Variants in HGSNAT observed in about 807,000 individuals in gnomAD.
HGSNAT encodes the protein transmembrane protein 76.
In HGSNAT, 59 loss-of-function variants were observed where a neutral mutation model predicts 85.2. The observed-to-expected ratio is 0.69, with a 90% CI of 0.56 to 0.86. HGSNAT has a LOEUF of 0.86. HGSNAT is among the 40% of genes least tolerant of loss of function. The pLI, the probability that HGSNAT is intolerant of heterozygous loss-of-function variation, is 0.00. For synonymous variants in HGSNAT, 321 were observed against 304.5 expected (o/e 1.05, Z -0.56); for missense variants, 756 against 777.1 (o/e 0.97, Z 0.32).
intron 8 of HGSNAT, 103 bp downstream of exon 8, chr8:43,172,489 C>A: frequency 1.2e-6 from 1 of 823,090 alleles, no homozygotes. Flanking sequence ...AGAAATGAGC[C>A]CCAGCAGCCT....
At chr8:43,189,912 A>G (rs1455355985) in intron 11 of HGSNAT, among the ~76,000 whole-genome samples, 4 of 152,198 alleles carry the variant, frequency 2.6e-5, no homozygotes, top group South Asian at 4.1e-4. Context: ...CATTCTTGAT[A>G]GTATTAAATA....
intron 14 of HGSNAT, 23 bp from the exon 15 acceptor site, chr8:43,196,925 T>C (rs377433057): frequency 5.0e-5 from 72 of 1,447,818 alleles, no homozygotes; most frequent in Non-Finnish European, 6.7e-5. Flanking sequence ...ATTCTTTTGG[T>C]CACACTGTGT....
chr8:43,192,911 C>G (rs1265860651), intron 13 of HGSNAT, among the ~76,000 whole-genome samples: 1 of 152,182 alleles, frequency 6.6e-6, no homozygotes, highest in Non-Finnish European at 1.5e-5. Context: ...ATCAGGCAGT[C>G]CTTGCGGGGG....
intron 1 of HGSNAT, among the ~76,000 whole-genome samples, chr8:43,141,819 A>G (rs1329118538): frequency 6.6e-6 from 1 of 152,090 alleles, no homozygotes; most frequent in Non-Finnish European, 1.5e-5. Context: ...GAGGTTATGT[A>G]ATCTGCCTGA....
rs769449292 is a variant in HGSNAT at position 43,199,482 on chromosome 8, G to A, written c.1821G>A (p.Glu607=). The change falls in exon 18 of 18, where the codon GAG becomes GAA. Residue 607 remains glutamate, a synonymous_variant. Coordinates refer to ENST00000379644, the MANE Select transcript of HGSNAT (RefSeq NM_152419.3). ...TGAAGGACAACCAGTCCCACAAGGA[G>A]CACCTGACTCAGAACATCGTCGCCA... ...WKLKDNQSHK[E]HLTQNIVATA... is the part of the protein sequence containing the mutation. 2 of 1,612,792 alleles carry A rather than the reference G, an allele frequency of 1.2e-6. No individual in the cohort carries two copies. Among genetic ancestry groups the A allele is most frequent in the Admixed American group, 3.3e-5 (2 of 59,904 alleles).
In HGSNAT at chr8:43,145,441, A is replaced by G. The variant is rs147461868; in HGVS notation, c.119-1507A>G. Among the ~76,000 whole-genome samples, 9 of 152,298 alleles carry G rather than the reference A, an allele frequency of 5.9e-5. No homozygotes were observed. In the East Asian group the frequency reaches 1.7e-3, roughly 29 times the overall value. On this transcript the variant is annotated intron_variant, in intron 1 of 17. Transcript: ENST00000379644. ...TTCACTGAGAGCTAAATAAGGGTAA[A>G]GTAAGATAAACTTAAAAATGAGGGA...
chr8:43,143,417 C>T (rs1272948657), intron 1 of HGSNAT, among the ~76,000 whole-genome samples: 1 of 152,176 alleles, frequency 6.6e-6, no homozygotes, highest in Non-Finnish European at 1.5e-5. Context: ...GTTATGTGCA[C>T]AGTTAGACTG....
chr8:43,199,491 T>C lies in HGSNAT; in HGVS notation c.1830T>C (p.Thr610=). Residue 610 remains threonine, a synonymous_variant, in exon 18 of 18, where the codon ACT becomes ACC. Transcript: ENST00000379644. ...ACCAGTCCCACAAGGAGCACCTGAC[T>C]CAGAACATCGTCGCCACTGCCCTCT... ...KDNQSHKEHL[T]QNIVATALWV... The C allele has an allele frequency of 6.2e-7, 1 of 1,612,638 alleles. No homozygotes were observed. The highest frequency in any genetic ancestry group is 8.5e-7 in the Non-Finnish European group (1 of 1,179,336).
In HGSNAT at chr8:43,170,516, A is replaced by C. The variant is rs2130745417; in HGVS notation, c.634-69A>C. The stretch of plus-strand genomic sequence containing the variant: ...CAAAACAAAACAAAACAAAGAAATC[A>C]AAAAATGACAAAATGAAATTTACCC... On this transcript the variant is annotated intron_variant, in intron 6 of 17. Coordinates refer to ENST00000379644, the MANE Select transcript of HGSNAT (RefSeq NM_152419.3). 4.7e-6 allele frequency: 6 copies of C among 1,275,370 alleles called. No individual in the cohort carries two copies. In the South Asian group the frequency reaches 6.4e-5, roughly 14 times the overall value. 79.0% of individuals were successfully genotyped at this position (1,275,370 alleles called of 1,614,324 possible). A position where few individuals can be genotyped will look rare whatever the true frequency, so the allele number is the denominator to read the frequency against.
intron 4 of HGSNAT, 68 bp downstream of exon 4, chr8:43,159,112 T>C (rs1430420197): frequency 1.3e-6 from 2 of 1,547,438 alleles, no homozygotes; most frequent in South Asian, 1.2e-5. Flanking sequence ...GAGTACTGTT[T>C]GTAAAGCAAA....
intron 1 of HGSNAT, among the ~76,000 whole-genome samples, chr8:43,145,248 C>T (rs1292913846): frequency 2.0e-5 from 3 of 152,126 alleles, no homozygotes; most frequent in African/African-American, 4.8e-5. Context: ...CACCACCCTG[C>T]GTGCTGACCT....
At chr8:43,174,800 T>C (rs1367689086) in intron 9 of HGSNAT, among the ~76,000 whole-genome samples, 2 of 152,214 alleles carry the variant, frequency 1.3e-5, no homozygotes, top group African/African-American at 4.8e-5. Context: ...TATTTTTAAA[T>C]GTACAGTAAA....
At position 43,169,208 on chromosome 8, in the gene HGSNAT, T is replaced by A; in HGVS notation, c.599T>A (p.Ile200Lys). ...TTTAACAATTGGATTTCTAAAGCCA[T>A]AAGTTCTCGAGAAACTGATCGCCTC... ...DDFNNWISKA[I>K]SSRETDRLIN... Residue 200 changes from isoleucine (I) to lysine (K), a missense_variant, in exon 6 of 18, where the codon ATA becomes AAA. Transcript: ENST00000379644. 1.3e-6 allele frequency: 2 copies of A among 1,585,572 alleles called. No individual in the cohort carries two copies. The highest frequency in any genetic ancestry group is 1.3e-5 in the African/African-American group (1 of 74,716).
At chr8:43,173,834 C>G in intron 9 of HGSNAT, 91 bp downstream of exon 9, 2 of 1,365,782 alleles carry the variant, frequency 1.5e-6, no homozygotes, top group South Asian at 2.5e-5. Context: ...CTGAGACGGG[C>G]ATGTGTTATG....
At chr8:43,191,955 A>C (rs1239165998) in intron 12 of HGSNAT, among the ~76,000 whole-genome samples, 1 of 151,924 alleles carries the variant, frequency 6.6e-6, no homozygotes, top group African/African-American at 2.4e-5. Context: ...TGGAGATGGA[A>C]TCTTGCTCTG....
intron 4 of HGSNAT, among the ~76,000 whole-genome samples, chr8:43,160,047 A>G (rs891150386): frequency 6.6e-6 from 1 of 152,220 alleles, no homozygotes; most frequent in Non-Finnish European, 1.5e-5. Flanking sequence ...AAAATAATGA[A>G]TGTATAAAAA....
At chr8:43,182,901 A>G (rs2130785324) in intron 11 of HGSNAT, among the ~76,000 whole-genome samples, 1 of 152,304 alleles carries the variant, frequency 6.6e-6, no homozygotes, top group African/African-American at 2.4e-5. Flanking sequence ...TTTTTTTATT[A>G]TAAAATACAC....
At position 43,145,303 on chromosome 8, in the gene HGSNAT, C is replaced by CA. The variant is rs941668587; in HGVS notation, c.119-1637dup. ...TCTGTTGTTAGATCCTCATGATGGC[C>CA]AAAAAAAAGCATTCTTTAACCTAAA... On this transcript the variant is annotated intron_variant, in intron 1 of 17. Transcript: ENST00000379644. Among the ~76,000 whole-genome samples the CA allele has an allele frequency of 6.6e-5, 10 of 151,444 alleles. No homozygotes were observed. The South Asian group carries it at 1.2e-3, about 19-fold the overall frequency.
intron 9 of HGSNAT, 28 bp downstream of exon 9, chr8:43,173,771 TC>T: frequency 6.2e-7 from 1 of 1,606,238 alleles, no homozygotes; most frequent in Non-Finnish European, 8.5e-7. Context: ...CCTCTTCTCT[TC>T]CACGGGTTGA....
Sources: gnomAD v4.1 joint callset for allele counts (sites outside exome capture counted in the v4.1 genomes callset) on GRCh38, gnomAD v4.1.1 for gene constraint, MANE v1.5 for transcripts, NCBI Gene and HGNC (gene_info 2026-07-23, HGNC 2026-07-21) for gene names.